ZYG11B: variants seen among roughly 807,000 people sequenced by gnomAD.
The protein encoded by ZYG11B is protein zyg-11 homolog B.
Under a neutral mutation model 82.4 loss-of-function variants are expected in ZYG11B, and 36 were observed. That is an observed-to-expected ratio of 0.44 (90% confidence interval 0.33 to 0.58). The LOEUF (loss-of-function observed/expected upper bound fraction) is 0.58, where lower values mean the gene tolerates loss of function less well. Among genes scored for constraint, ZYG11B ranks in the 20% least tolerant of loss-of-function variants. The pLI, the probability that ZYG11B is intolerant of heterozygous loss-of-function variation, is 0.02. For missense variants in ZYG11B, 552 were observed against 895.6 expected (o/e 0.62, Z 4.90); for synonymous variants, 303 against 312.8 (o/e 0.97, Z 0.33).
chr1:52,793,868 T>TTCCTTTCCTTCCTTCCTTCCTTCC (rs1644979935), intron 6 of ZYG11B, among the ~76,000 whole-genome samples: 12 of 95,480 alleles, frequency 1.3e-4, no homozygotes, highest in African/African-American at 4.6e-4. Flanking sequence ...CTTTTCTTTC[T>TTCCTTTCCTTCCTTCCTTCCTTCC]TTCCTTCCTT....
chr1:52,766,385 C>A (rs965908444), intron 2 of ZYG11B, among the ~76,000 whole-genome samples: 51 of 151,838 alleles, frequency 3.4e-4, no homozygotes, highest in African/African-American at 1.2e-3. Context: ...TCCCAAAGTG[C>A]CACCGCGCCT....
At chr1:52,762,019 G>T (rs1049332232) in intron 2 of ZYG11B, among the ~76,000 whole-genome samples, 37 of 151,976 alleles carry the variant, frequency 2.4e-4, no homozygotes, top group African/African-American at 8.9e-4. Context: ...GGATTGTTTA[G>T]TTTTCTGTTG....
At chr1:52,800,905 G>A (rs1174567534) in intron 8 of ZYG11B, among the ~76,000 whole-genome samples, 1 of 151,938 alleles carries the variant, frequency 6.6e-6, no homozygotes, top group Non-Finnish European at 1.5e-5. Context: ...ATTGTGTATA[G>A]CCACTAGTAT....
chr1:52,793,868 T>TTCCCTTCCTTCCTTCCTTCC (rs1644979935), intron 6 of ZYG11B, among the ~76,000 whole-genome samples: 1 of 95,436 alleles, frequency 1.0e-5, no homozygotes, highest in African/African-American at 4.2e-5. Context: ...CTTTTCTTTC[T>TTCCCTTCCTTCCTTCCTTCC]TTCCTTCCTT....
At chr1:52,805,413 A>G (rs1645133948) in intron 10 of ZYG11B, 2 of 452,102 alleles carry the variant, frequency 4.4e-6, no homozygotes, top group African/African-American at 2.0e-5. Flanking sequence ...AAAACAACCT[A>G]AATGTCCAGT....
intron 6 of ZYG11B, among the ~76,000 whole-genome samples, chr1:52,791,752 C>G (rs1644962285): frequency 6.6e-6 from 1 of 152,140 alleles, no homozygotes; most frequent in Non-Finnish European, 1.5e-5. Context: ...AGAGGTGTTC[C>G]ATTTTTTATT....
At position 52,826,987 on chromosome 1, in the gene ZYG11B, AG is replaced by A. The variant is rs1645330547; in HGVS notation, c.*5359del. On this transcript the variant is annotated 3_prime_UTR_variant, in exon 14 of 14. Transcript: ENST00000294353. ...TTTTCCTTAAAAACTTTATACTCTC[AG>A]ATAATCTGCAACAACAAAAATTAAG... 1 of 147,284 alleles carries A rather than the reference AG, an allele frequency of 6.8e-6. No homozygotes were observed. Among genetic ancestry groups the A allele is most frequent in the Non-Finnish European group, 1.5e-5 (1 of 67,960 alleles). The allele number at this position is 147,284 out of a possible 1,614,324, so 9.1% of individuals were successfully genotyped here. A position where few individuals can be genotyped will look rare whatever the true frequency, so the allele number is the denominator to read the frequency against.
intron 3 of ZYG11B, among the ~76,000 whole-genome samples, chr1:52,775,592 G>A (rs1244381751): frequency 1.3e-5 from 2 of 152,190 alleles, no homozygotes; most frequent in African/African-American, 4.8e-5. Flanking sequence ...TCAGGAGGCT[G>A]AGGCAGGAGA....
intron 8 of ZYG11B, among the ~76,000 whole-genome samples, chr1:52,797,326 ATAT>A (rs1323679284): frequency 1.4e-4 from 10 of 73,886 alleles, no homozygotes; most frequent in Admixed American, 5.0e-4. Context: ...TATAATATAT[ATAT>A]TATATATTTA....
At chr1:52,803,214 A>G (rs1645104985) in intron 10 of ZYG11B, among the ~76,000 whole-genome samples, 1 of 76,348 alleles carries the variant, frequency 1.3e-5, no homozygotes, top group Non-Finnish European at 2.0e-5. Flanking sequence ...ACACACACAT[A>G]TATATATATA....
intron 1 of ZYG11B, among the ~76,000 whole-genome samples, chr1:52,729,638 G>A (rs916668012): frequency 7.2e-5 from 11 of 152,292 alleles, no homozygotes; most frequent in Non-Finnish European, 1.3e-4. Flanking sequence ...TCAGGAGTTC[G>A]AGACCAGCCT....
At chr1:52,731,186 T>A (rs1401700206) in intron 1 of ZYG11B, among the ~76,000 whole-genome samples, 1 of 151,272 alleles carries the variant, frequency 6.6e-6, no homozygotes, top group Non-Finnish European at 1.5e-5. Flanking sequence ...GGCAGGAGAA[T>A]TGCTTGAACC....
intron 2 of ZYG11B, among the ~76,000 whole-genome samples, chr1:52,762,525 T>A (rs1338861350): frequency 2.0e-5 from 3 of 151,864 alleles, no homozygotes; most frequent in Non-Finnish European, 4.4e-5. Context: ...TTTGAGGTCT[T>A]GTTCATAAAA....
At chr1:52,785,168 A>G (rs1018526930) in intron 5 of ZYG11B, 115 bp downstream of exon 5, 43 of 1,142,930 alleles carry the variant, frequency 3.8e-5, no homozygotes, top group Non-Finnish European at 5.0e-5. Context: ...AGGCTGTGGT[A>G]TGACTGAGTG....
intron 1 of ZYG11B, among the ~76,000 whole-genome samples, chr1:52,728,861 ATT>A (rs55730485): frequency 1.3e-4 from 20 of 149,350 alleles, no homozygotes; most frequent in South Asian, 8.6e-4. Context: ...CCTCACAGGG[ATT>A]TTTTTTTTTT....
intron 1 of ZYG11B, among the ~76,000 whole-genome samples, chr1:52,736,562 C>T (rs1480517326): frequency 1.3e-5 from 2 of 152,056 alleles, no homozygotes; most frequent in Non-Finnish European, 2.9e-5. Flanking sequence ...AAGCAATTCT[C>T]CTGCCTCAGC....
chr1:52,754,095 G>A (rs1486808968), intron 1 of ZYG11B, among the ~76,000 whole-genome samples: 1 of 150,638 alleles, frequency 6.6e-6, no homozygotes, highest in African/African-American at 2.4e-5. Context: ...GCACCATCCT[G>A]CCTCACTGCA....
chr1:52,757,991 G>C (rs1479543768), intron 2 of ZYG11B, among the ~76,000 whole-genome samples: 1 of 151,810 alleles, frequency 6.6e-6, no homozygotes, highest in Non-Finnish European at 1.5e-5. Context: ...CACGAGGTCA[G>C]GAGTTCGAGA....
chr1:52,803,171 CACATAT>C lies in ZYG11B; in HGVS notation c.1695+1034_1695+1039del, dbSNP rs1483205317. On this transcript the variant is annotated intron_variant, in intron 10 of 13. Coordinates refer to ENST00000294353, the MANE Select transcript of ZYG11B (RefSeq NM_024646.3). Reference sequence around the variant, plus strand: ...ATATATATACACATATATATATACACACATATATATATATATACACATATATATATA... The same window carrying C: ...ATATATATACACATATATATATACACATATATATATACACATATATATATA... 0.011 allele frequency among the ~76,000 whole-genome samples: 564 copies of C among 53,380 alleles called. 72 individuals carry two copies. The African/African-American group carries it at 0.12, about 11-fold the overall frequency. The allele number at this position is 53,380 out of a possible 152,430, so 35.0% of individuals were successfully genotyped here.
Sources: allele counts gnomAD v4.1 joint callset (sites outside exome capture counted in the v4.1 genomes callset), GRCh38; gene constraint gnomAD v4.1.1; transcripts MANE v1.5; gene names NCBI Gene and HGNC (gene_info 2026-07-23, HGNC 2026-07-21).